MTSS1: variants seen among roughly 807,000 people sequenced by gnomAD.
The protein encoded by MTSS1 is protein MTSS 1.
A neutral mutation model predicts 79.0 loss-of-function variants in MTSS1; 18 were observed. The ratio of observed to expected loss-of-function variants is 0.23; its 90% CI spans 0.16 to 0.34. MTSS1 has a LOEUF of 0.34. Ranked by LOEUF, MTSS1 falls within the 10% of genes least tolerant of loss-of-function variation. MTSS1 has a pLI of 1.00. For missense variants in MTSS1, 815 were observed against 986.2 expected, an observed-to-expected ratio of 0.83 and a Z score of 2.33; for synonymous variants, 341 against 368.6, an observed-to-expected ratio of 0.93 and a Z score of 0.86.
At chr8:124,699,198 G>T in intron 3 of MTSS1, 1 of 262,376 alleles carries the variant, frequency 3.8e-6, no homozygotes, top group Non-Finnish European at 7.2e-6. Context: ...CCCACGTAAG[G>T]AGGAAAACGC....
intron 10 of MTSS1, among the ~76,000 whole-genome samples, chr8:124,560,261 C>CTGT (rs1433837060): frequency 6.6e-5 from 10 of 152,302 alleles, no homozygotes; most frequent in African/African-American, 2.4e-4. Flanking sequence ...TGGCTCATGC[C>CTGT]TGTAATCCTG....
chr8:124,598,867 G>A (rs1833230125), intron 3 of MTSS1, among the ~76,000 whole-genome samples: 1 of 152,186 alleles, frequency 6.6e-6, no homozygotes, highest in Non-Finnish European at 1.5e-5. Context: ...CAGGATCTAA[G>A]GCCGCAGCTG....
intron 3 of MTSS1, among the ~76,000 whole-genome samples, chr8:124,628,226 TACAA>T (rs1388319329): frequency 6.6e-6 from 1 of 152,114 alleles, no homozygotes; most frequent in African/African-American, 2.4e-5. Context: ...AGGTCAGTAA[TACAA>T]ACAGAAACCA....
intron 1 of MTSS1, among the ~76,000 whole-genome samples, chr8:124,709,913 C>T (rs1266177271): frequency 1.3e-5 from 2 of 152,248 alleles, no homozygotes; most frequent in African/African-American, 4.8e-5. Flanking sequence ...CCCCTTCCCA[C>T]CTACCCTCTG....
Position 124,555,836 on chromosome 8 carries a change from G to A in MTSS1, c.1473C>T (p.Thr491=), listed in dbSNP as rs750992249. The A allele has an allele frequency of 2.5e-6, 4 of 1,613,362 alleles. No individual in the cohort carries two copies. In the East Asian group the frequency reaches 6.7e-5, roughly 27 times the overall value. The change falls in exon 13 of 14, where the codon ACC becomes ACT. Residue 491 remains threonine (T), a synonymous_variant. Transcript: ENST00000518547. ...GAAGCGAGTCCCGGCTGCTCCTCTG[G>A]GTGTCCAGCTGCAGGCCCCGAGACA... ...LALSRGLQLD[T]QRSSRDSLQC...
chr8:124,615,243 G>T (rs1836627339), intron 3 of MTSS1, among the ~76,000 whole-genome samples: 1 of 152,016 alleles, frequency 6.6e-6, no homozygotes, highest in Non-Finnish European at 1.5e-5. Context: ...CCATGCTGGG[G>T]GGTAGGCAGA....
At chr8:124,656,798 A>C (rs1821039106) in intron 3 of MTSS1, among the ~76,000 whole-genome samples, 1 of 150,874 alleles carries the variant, frequency 6.6e-6, no homozygotes, top group African/African-American at 2.4e-5. Flanking sequence ...AAAAAAAAAA[A>C]AGAAAAAAGA....
chr8:124,627,328 T>C (rs1238947168), intron 3 of MTSS1, among the ~76,000 whole-genome samples: 1 of 152,228 alleles, frequency 6.6e-6, no homozygotes, highest in East Asian at 1.9e-4. Flanking sequence ...TTACATTCGC[T>C]AACACTGACT....
At chr8:124,573,425 C>T (rs911654465) in intron 6 of MTSS1, among the ~76,000 whole-genome samples, 6 of 152,260 alleles carry the variant, frequency 3.9e-5, no homozygotes, top group African/African-American at 1.4e-4. Context: ...GTTTGAATTT[C>T]ATCTTTATTT....
rs746312760 is a variant in MTSS1, at chr8:124,556,050, G to C, written c.1405-146C>G. The C allele has an allele frequency of 1.9e-6, 3 of 1,540,696 alleles. 1 individual carries two copies. Among genetic ancestry groups the C allele is most frequent in the Middle Eastern group, 3.3e-4 (2 of 5,990 alleles). On this transcript the variant is annotated intron_variant, in intron 12 of 13. Transcript: ENST00000518547. ...TCCCACTCTGACCCTAGAAAGTTCT[G>C]CCTCTCTCATTCCCACACAAGGTTT... is the stretch of plus-strand genomic sequence containing the variant.
chr8:124,590,933 C>T (rs1470168619), intron 4 of MTSS1, among the ~76,000 whole-genome samples: 1 of 152,242 alleles, frequency 6.6e-6, no homozygotes, highest in East Asian at 1.9e-4. Flanking sequence ...GGAGCACAGG[C>T]TCTGTGAAGG....
chr8:124,566,734 A>T (rs560203234), intron 8 of MTSS1, among the ~76,000 whole-genome samples: 268 of 152,262 alleles, frequency 1.8e-3, no homozygotes, highest in African/African-American at 6.0e-3. Flanking sequence ...CTGGAACCTG[A>T]CCAACTTGGT....
At chr8:124,675,380 C>T (rs1004449523) in intron 3 of MTSS1, among the ~76,000 whole-genome samples, 1 of 152,222 alleles carries the variant, frequency 6.6e-6, no homozygotes. Flanking sequence ...GTGTTTGGTT[C>T]TCCCTCTGAC....
At chr8:124,607,153 T>G (rs1835019150) in intron 3 of MTSS1, among the ~76,000 whole-genome samples, 1 of 152,224 alleles carries the variant, frequency 6.6e-6, no homozygotes, top group East Asian at 1.9e-4. Context: ...GCTCGTAATA[T>G]TTGCTCTTCC....
At chr8:124,624,765 C>A (rs919079675) in intron 3 of MTSS1, among the ~76,000 whole-genome samples, 3 of 152,144 alleles carry the variant, frequency 2.0e-5, no homozygotes, top group African/African-American at 7.2e-5. Context: ...GCTGGAAATG[C>A]GAAACTGAAG....
intron 3 of MTSS1, among the ~76,000 whole-genome samples, chr8:124,642,514 C>T (rs1313069008): frequency 2.6e-5 from 4 of 152,348 alleles, no homozygotes; most frequent in South Asian, 2.1e-4. Context: ...TAGCTAGTAA[C>T]ATATTTATAT....
intron 1 of MTSS1, among the ~76,000 whole-genome samples, chr8:124,714,570 T>A (rs758809725): frequency 3.3e-5 from 5 of 152,154 alleles, no homozygotes; most frequent in African/African-American, 4.8e-5. Context: ...TCAAGTGATC[T>A]TCCTGCCCCA....
chr8:124,611,107 C>A (rs961866172), intron 3 of MTSS1, among the ~76,000 whole-genome samples: 1 of 59,254 alleles, frequency 1.7e-5, no homozygotes, highest in Non-Finnish European at 2.9e-5. Flanking sequence ...ACCAGACAGA[C>A]CCCCCCCCCC....
intron 9 of MTSS1, 56 bp from the exon 10 acceptor site, chr8:124,563,048 AGTG>A: frequency 6.9e-7 from 1 of 1,457,496 alleles, no homozygotes; most frequent in Middle Eastern, 2.3e-4. Flanking sequence ...AAAGGGGAGC[AGTG>A]GTAAGAGGAA....
Sources: gnomAD v4.1 joint callset for allele counts (sites outside exome capture counted in the v4.1 genomes callset) on GRCh38, gnomAD v4.1.1 for gene constraint, MANE v1.5 for transcripts, NCBI Gene and HGNC (gene_info 2026-07-23, HGNC 2026-07-21) for gene names.